CCDC141: variants seen among roughly 807,000 people sequenced by gnomAD.
CCDC141 encodes coiled-coil domain-containing protein 141.
CCDC141 carries 168 observed loss-of-function variants against 181.0 expected under a neutral mutation model. The ratio of observed to expected loss-of-function variants is 0.93; its 90% CI spans 0.82 to 1.05. The LOEUF (loss-of-function observed/expected upper bound fraction) is 1.05, where lower values mean the gene tolerates loss of function less well. CCDC141 is among the 50% of genes least tolerant of loss of function. The pLI, the probability that CCDC141 is intolerant of heterozygous loss-of-function variation, is 0.00. For missense variants in CCDC141, 1,902 were observed against 1,788.5 expected, an observed-to-expected ratio of 1.06 and a Z score of -1.14; for synonymous variants, 666 against 642.3, an observed-to-expected ratio of 1.04 and a Z score of -0.56.
In CCDC141 at chr2:179,000,064, A is replaced by G. The variant is rs2041921950; in HGVS notation, c.226-21389T>C. Among the ~76,000 whole-genome samples, 3 of 37,814 alleles carry G rather than the reference A, an allele frequency of 7.9e-5. No homozygotes were observed. In the South Asian group the frequency reaches 1.8e-3, roughly 22 times the overall value. The allele number at this position is 37,814 out of a possible 152,430, so 24.8% of individuals were successfully genotyped here. A position where few individuals can be genotyped will look rare whatever the true frequency, so the allele number is the denominator to read the frequency against. ...CAGAGATTCATCACCATACACACAC[A>G]CACACACACACACACACACACACAC... On this transcript the variant is annotated intron_variant, in intron 2 of 23. Transcript: ENST00000443758.
chr2:178,975,647 A>T (rs1188276943), intron 3 of CCDC141, among the ~76,000 whole-genome samples: 1 of 152,102 alleles, frequency 6.6e-6, no homozygotes, highest in Non-Finnish European at 1.5e-5. Context: ...AAGTATAGTT[A>T]TTTTTTCCCT....
intron 1 of CCDC141, among the ~76,000 whole-genome samples, chr2:179,049,279 C>T (rs1181311464): frequency 3.9e-5 from 6 of 152,158 alleles, no homozygotes; most frequent in African/African-American, 7.2e-5. Context: ...GCATGGTCTT[C>T]GTTACTGGAC....
rs1424614952 is a variant in CCDC141, at chr2:178,830,946, G to C, written c.*3227C>G. On this transcript the variant is annotated 3_prime_UTR_variant, in exon 24 of 24. Coordinates refer to ENST00000443758, the MANE Select transcript of CCDC141 (RefSeq NM_173648.4). ...ACTAGGGGTTGGGGGTAATAGGAGGGGATCAAACCGAGGCCAGAGAGGGGA... is the reference window on the plus strand; with the variant it reads ...ACTAGGGGTTGGGGGTAATAGGAGGCGATCAAACCGAGGCCAGAGAGGGGA... 1 of 152,108 alleles carries C rather than the reference G, an allele frequency of 6.6e-6. No homozygotes were observed. The highest frequency in any genetic ancestry group is 1.5e-5 in the Non-Finnish European group (1 of 68,044). The allele number at this position is 152,108 out of a possible 1,614,324, so 9.4% of individuals were successfully genotyped here.
chr2:178,986,585 A>T (rs1017234655), intron 2 of CCDC141, among the ~76,000 whole-genome samples: 1 of 151,612 alleles, frequency 6.6e-6, no homozygotes, highest in African/African-American at 2.4e-5. Flanking sequence ...CTCAGCCCAA[A>T]ATCTCCTTAA....
At chr2:178,870,231 C>CAAAAAAAAAAAAAAAAA (rs34625707) in intron 14 of CCDC141, among the ~76,000 whole-genome samples, 2 of 60,294 alleles carry the variant, frequency 3.3e-5, no homozygotes, top group African/African-American at 5.9e-5. Context: ...GACTCTGTCT[C>CAAAAAAAAAAAAAAAAA]AAAAAAAAAA....
chr2:178,995,142 C>G (rs747407447), intron 2 of CCDC141, among the ~76,000 whole-genome samples: 10 of 152,190 alleles, frequency 6.6e-5, no homozygotes, highest in Non-Finnish European at 1.3e-4. Flanking sequence ...TCTACGGGTA[C>G]CAATTTACTG....
chr2:178,905,038 C>G (rs1687894127), intron 8 of CCDC141, among the ~76,000 whole-genome samples: 1 of 152,212 alleles, frequency 6.6e-6, no homozygotes, highest in South Asian at 2.1e-4. Context: ...GCCTTGGGAA[C>G]TAAAGCTCTA....
At chr2:178,870,476 G>A (rs534625183) in intron 14 of CCDC141, among the ~76,000 whole-genome samples, 22 of 152,232 alleles carry the variant, frequency 1.4e-4, no homozygotes, top group African/African-American at 4.1e-4. Flanking sequence ...GAACTTACAC[G>A]TACATGCAAA....
intron 14 of CCDC141, among the ~76,000 whole-genome samples, chr2:178,870,303 C>A (rs1488240445): frequency 1.4e-5 from 2 of 145,986 alleles, no homozygotes; most frequent in Non-Finnish European, 3.0e-5. Flanking sequence ...AAGTGTAGAT[C>A]TTTTGTATGA....
chr2:179,046,036 T>C (rs902565188), intron 2 of CCDC141, among the ~76,000 whole-genome samples: 1 of 152,218 alleles, frequency 6.6e-6, no homozygotes, highest in Non-Finnish European at 1.5e-5. Flanking sequence ...CCACTGTCTA[T>C]ATATCAGATG....
intron 2 of CCDC141, among the ~76,000 whole-genome samples, chr2:179,027,300 C>A (rs2042874278): frequency 6.6e-6 from 1 of 152,118 alleles, no homozygotes; most frequent in African/African-American, 2.4e-5. Context: ...GTCTTTCCTG[C>A]ACTGTTCTCA....
At chr2:178,840,038 CA>C (rs1448936255) in intron 22 of CCDC141, among the ~76,000 whole-genome samples, 1 of 152,186 alleles carries the variant, frequency 6.6e-6, no homozygotes, top group Non-Finnish European at 1.5e-5. Flanking sequence ...CTATATGTAG[CA>C]AAGATCTGCC....
chr2:178,903,976 G>A (rs567032341), intron 8 of CCDC141, among the ~76,000 whole-genome samples: 152 of 152,130 alleles, frequency 1.0e-3, no homozygotes, highest in African/African-American at 3.5e-3. Context: ...CATGTACCCC[G>A]AGTCCAGGCA....
the CCDC141 span, among the ~76,000 whole-genome samples, chr2:178,824,197 T>C: frequency 1.9e-3 from 284 of 152,270 alleles, 2 homozygotes; most frequent in African/African-American, 6.5e-3. Context: ...AACCAACAAT[T>C]TCTTATATTT....
At chr2:179,034,627 T>C (rs2043088958) in intron 2 of CCDC141, among the ~76,000 whole-genome samples, 1 of 152,180 alleles carries the variant, frequency 6.6e-6, no homozygotes, top group South Asian at 2.1e-4. Context: ...AATGCATGCA[T>C]TTTACATTTG....
At chr2:178,967,361 G>A (rs1051430711) in intron 4 of CCDC141, among the ~76,000 whole-genome samples, 9 of 151,816 alleles carry the variant, frequency 5.9e-5, no homozygotes, top group South Asian at 2.1e-4. Context: ...GAGAAAGGTC[G>A]GGTTACCCAC....
At chr2:178,995,022 T>C (rs1011230902) in intron 2 of CCDC141, among the ~76,000 whole-genome samples, 1 of 152,224 alleles carries the variant, frequency 6.6e-6, no homozygotes. Flanking sequence ...AGTTCCAAAC[T>C]GTCCCACATT....
intron 8 of CCDC141, among the ~76,000 whole-genome samples, chr2:178,901,530 G>A (rs1175125007): frequency 1.3e-5 from 2 of 152,160 alleles, no homozygotes; most frequent in African/African-American, 4.8e-5. Context: ...AATAGATGCA[G>A]AAAAGGCCTT....
At chr2:178,900,550 T>C (rs181434270) in intron 8 of CCDC141, among the ~76,000 whole-genome samples, 136 of 152,188 alleles carry the variant, frequency 8.9e-4, no homozygotes, top group Non-Finnish European at 4.7e-4. Flanking sequence ...ACAGCACCAC[T>C]CTTGGCACAT....
Sources: gnomAD v4.1 joint callset for allele counts (sites outside exome capture counted in the v4.1 genomes callset) on GRCh38, gnomAD v4.1.1 for gene constraint, MANE v1.5 for transcripts, NCBI Gene and HGNC (gene_info 2026-07-23, HGNC 2026-07-21) for gene names.